Variants in CLCA4 observed in about 807,000 individuals in gnomAD.
CLCA4 encodes chloride channel accessory 4, also known as calcium-activated chloride channel regulator 4.
A neutral mutation model predicts 78.9 loss-of-function variants in CLCA4; 69 were observed. The observed-to-expected ratio is 0.87, with a 90% CI of 0.72 to 1.07. CLCA4 has a LOEUF of 1.07. Ranked by LOEUF, CLCA4 falls within the 50% of genes least tolerant of loss-of-function variation. The pLI is 0.00. For missense variants in CLCA4, 1,133 were observed against 1,095.8 expected, an observed-to-expected ratio of 1.03 and a Z score of -0.48; for synonymous variants, 362 against 375.8, an observed-to-expected ratio of 0.96 and a Z score of 0.42.
At chr1:86,548,378 T>G (rs933031659) in intron 1 of CLCA4, among the ~76,000 whole-genome samples, 2 of 152,154 alleles carry the variant, frequency 1.3e-5, no homozygotes, top group African/African-American at 4.8e-5. Flanking sequence ...TGCAAATATT[T>G]TTCCCAAGAA....
At chr1:86,578,618 C>T (rs1570340492) in intron 12 of CLCA4, among the ~76,000 whole-genome samples, 1 of 151,946 alleles carries the variant, frequency 6.6e-6, no homozygotes, top group Non-Finnish European at 1.5e-5. Flanking sequence ...CATCCATGTT[C>T]CTGCAAAAGA....
intron 9 of CLCA4, among the ~76,000 whole-genome samples, chr1:86,573,273 T>C (rs2101814844): frequency 6.6e-6 from 1 of 152,050 alleles, no homozygotes; most frequent in East Asian, 1.9e-4. Context: ...TCACCTGTCT[T>C]CCGAACTTAA....
At chr1:86,564,718 A>G (rs1219991899) in intron 4 of CLCA4, among the ~76,000 whole-genome samples, 2 of 152,168 alleles carry the variant, frequency 1.3e-5, no homozygotes, top group African/African-American at 2.4e-5. Flanking sequence ...TCCATAAAAC[A>G]TAGGTCTAAA....
chr1:86,572,646 C>G lies in CLCA4; in HGVS notation c.1393C>G (p.Gln465Glu). The change falls in exon 9 of 14, where the codon CAG becomes GAG. Residue 465 changes from glutamine to glutamate, a missense_variant. Transcript: ENST00000370563. ...GSHFYVSDEA[Q>E]NNGLIDAFGA... ...TCATTTTTATGTTTCAGATGAAGCT[C>G]AGAACAATGGCCTCATTGATGCTTT... 1 of 1,608,230 alleles carries G rather than the reference C, an allele frequency of 6.2e-7. No individual in the cohort carries two copies. The highest frequency in any genetic ancestry group is 2.2e-5 in the East Asian group (1 of 44,720).
chr1:86,567,794 A>ATTC, intron 7 of CLCA4, 143 bp downstream of exon 7: 1 of 654,660 alleles, frequency 1.5e-6, no homozygotes, highest in Non-Finnish European at 2.6e-6. Context: ...TATAGAAAAA[A>ATTC]GTTCTCTTGA....
chr1:86,554,921 G>T (rs1411019272), intron 1 of CLCA4, among the ~76,000 whole-genome samples: 1 of 150,878 alleles, frequency 6.6e-6, no homozygotes, highest in Non-Finnish European at 1.5e-5. Flanking sequence ...GATATCTCAT[G>T]GTGGGTTTTT....
intron 1 of CLCA4, among the ~76,000 whole-genome samples, chr1:86,551,989 T>G (rs1649678490): frequency 6.6e-6 from 1 of 152,000 alleles, no homozygotes; most frequent in South Asian, 2.1e-4. Context: ...TGCACGCACA[T>G]TTAAAGTAAA....
chr1:86,555,805 T>C (rs1649823490), intron 1 of CLCA4, among the ~76,000 whole-genome samples: 1 of 152,204 alleles, frequency 6.6e-6, no homozygotes, highest in Non-Finnish European at 1.5e-5. Flanking sequence ...ACCATTTTAG[T>C]GATATTGATT....
chr1:86,572,031 T>G (rs1205072598), intron 8 of CLCA4, among the ~76,000 whole-genome samples: 1 of 152,060 alleles, frequency 6.6e-6, no homozygotes, highest in African/African-American at 2.4e-5. Context: ...TTTATTTCTA[T>G]TCCAAGTAGC....
At chr1:86,579,280 A>C (rs1349213916) in intron 12 of CLCA4, 74 bp from the exon 13 acceptor site, 8 of 1,106,628 alleles carry the variant, frequency 7.2e-6, no homozygotes, top group Non-Finnish European at 1.1e-5. Context: ...AAGACAAGTG[A>C]AGAAGGTGAT....
intron 11 of CLCA4, 55 bp downstream of exon 11, chr1:86,575,654 G>GA: frequency 6.7e-7 from 1 of 1,491,324 alleles, no homozygotes; most frequent in South Asian, 1.2e-5. Context: ...AGCATGTTGT[G>GA]AGTCCCTGTG....
In CLCA4 at chr1:86,580,373, T is replaced by G. The variant is rs377031456; in HGVS notation, c.*28T>G. 2 of 1,512,866 alleles carry G rather than the reference T, an allele frequency of 1.3e-6. No homozygotes were observed. The highest frequency in any genetic ancestry group is 1.4e-5 in the African/African-American group (1 of 71,880). 93.7% of individuals were successfully genotyped at this position (1,512,866 alleles called of 1,614,324 possible). The stretch of plus-strand genomic sequence containing the variant: ...CTTAACGAAGAAAAAAATCTTCAAG[T>G]AGACCTAGAAGAGAGTTTTAAAAAA... On this transcript the variant is annotated 3_prime_UTR_variant, in exon 14 of 14. Transcript: ENST00000370563.
chr1:86,549,270 AG>A (rs1015144101), intron 1 of CLCA4, among the ~76,000 whole-genome samples: 14 of 152,320 alleles, frequency 9.2e-5, no homozygotes, highest in African/African-American at 3.4e-4. Flanking sequence ...ATTGAAAACT[AG>A]GGGAGAAAAA....
chr1:86,572,036 A>C (rs1650363964), intron 8 of CLCA4, among the ~76,000 whole-genome samples: 1 of 152,014 alleles, frequency 6.6e-6, no homozygotes, highest in Non-Finnish European at 1.5e-5. Context: ...TTCTATTCCA[A>C]GTAGCTCCTT....
intron 5 of CLCA4, 82 bp from the exon 6 acceptor site, chr1:86,565,720 A>T (rs886713867): frequency 2.5e-6 from 2 of 803,906 alleles, no homozygotes; most frequent in Non-Finnish European, 3.7e-6. Context: ...TCTGCAGAAG[A>T]CTTTTAAATT....
intron 7 of CLCA4, among the ~76,000 whole-genome samples, chr1:86,570,784 C>T (rs1338544872): frequency 1.3e-5 from 2 of 152,000 alleles, no homozygotes; most frequent in African/African-American, 4.8e-5. Flanking sequence ...ATCTGGTTGA[C>T]CTGAGTTTCC....
At chr1:86,556,835 GTTGT>G in intron 1 of CLCA4, among the ~76,000 whole-genome samples, 1 of 151,904 alleles carries the variant, frequency 6.6e-6, no homozygotes, top group African/African-American at 2.4e-5. Flanking sequence ...TTGTTTGTTT[GTTGT>G]TTGTAGGCTC....
At chr1:86,552,692 G>T (rs545976184) in intron 1 of CLCA4, 2 of 1,141,254 alleles carry the variant, frequency 1.8e-6, no homozygotes, top group Non-Finnish European at 2.6e-6. Flanking sequence ...GCTGGGGCAC[G>T]GGGTGACCGG....
Position 86,578,148 on chromosome 1 carries a change from C to A in CLCA4, c.2122+76C>A, listed in dbSNP as rs886352147. On this transcript the variant is annotated intron_variant, in intron 12 of 13. Coordinates refer to ENST00000370563, the MANE Select transcript of CLCA4 (RefSeq NM_012128.4). ...TGATTTGATATAATTAGGCTTCAAA[C>A]AGGTTGATTAAAACTCAAAATATAG... The A allele has an allele frequency of 1.1e-5, 14 of 1,330,808 alleles. No homozygotes were observed. In the African/African-American group the frequency reaches 1.8e-4, roughly 17 times the overall value. 82.4% of individuals were successfully genotyped at this position (1,330,808 alleles called of 1,614,324 possible).
Sources: gnomAD v4.1 joint callset for allele counts (sites outside exome capture counted in the v4.1 genomes callset) on GRCh38, gnomAD v4.1.1 for gene constraint, MANE v1.5 for transcripts, NCBI Gene and HGNC (gene_info 2026-07-23, HGNC 2026-07-21) for gene names.